Variants in DSCAM observed in about 807,000 individuals in gnomAD.
The protein encoded by DSCAM is DS cell adhesion molecule.
DSCAM carries 47 observed loss-of-function variants against 217.7 expected under a neutral mutation model. The observed-to-expected ratio is 0.22, with a 90% confidence interval of 0.17 to 0.28. The LOEUF (loss-of-function observed/expected upper bound fraction) is 0.28, where lower values mean the gene tolerates loss of function less well. Ranked by LOEUF, DSCAM falls within the 10% of genes least tolerant of loss-of-function variation. The probability of loss-of-function intolerance (pLI) is 1.00; values close to 1 mark genes in which losing one functional copy is unlikely to be tolerated. For missense variants in DSCAM, 2,080 were observed against 2,618.3 expected (o/e 0.79, Z 4.49); for synonymous variants, 1,056 against 1,015.3 (o/e 1.04, Z -0.76).
chr21:40,402,519 G>A (rs9982140), intron 3 of DSCAM, among the ~76,000 whole-genome samples: 1 of 152,010 alleles, frequency 6.6e-6, no homozygotes, highest in Non-Finnish European at 1.5e-5. Flanking sequence ...TCTAAATGGA[G>A]AAATAATGAT....
At chr21:40,541,639 A>C (rs1458699556) in intron 3 of DSCAM, among the ~76,000 whole-genome samples, 1 of 152,172 alleles carries the variant, frequency 6.6e-6, no homozygotes, top group Admixed American at 6.5e-5. Context: ...CACACACATA[A>C]ATGCATATAA....
intron 11 of DSCAM, among the ~76,000 whole-genome samples, chr21:40,248,166 T>C (rs900548612): frequency 6.6e-6 from 1 of 152,186 alleles, no homozygotes; most frequent in Non-Finnish European, 1.5e-5. Context: ...CCTCCAGGTC[T>C]GTGATAAGAA....
chr21:40,032,537 G>T (rs922922939), intron 32 of DSCAM, among the ~76,000 whole-genome samples: 4 of 152,038 alleles, frequency 2.6e-5, no homozygotes, highest in African/African-American at 7.2e-5. Context: ...TTTATTTAGG[G>T]TTTTTCCTGC....
intron 1 of DSCAM, among the ~76,000 whole-genome samples, chr21:40,734,396 G>A: frequency 6.6e-6 from 1 of 152,162 alleles, no homozygotes; most frequent in Non-Finnish European, 1.5e-5. Context: ...CAGCACATGG[G>A]TGCCATGCTT....
At chr21:40,778,870 C>G (rs1056390885) in intron 1 of DSCAM, among the ~76,000 whole-genome samples, 6 of 151,398 alleles carry the variant, frequency 4.0e-5, no homozygotes, top group African/African-American at 1.5e-4. Context: ...ACTAAAAATG[C>G]AAAATTATCC....
At chr21:40,824,345 A>T (rs778417420) in intron 1 of DSCAM, among the ~76,000 whole-genome samples, 2 of 151,634 alleles carry the variant, frequency 1.3e-5, no homozygotes, top group East Asian at 1.9e-4. Flanking sequence ...ATTCAATTCC[A>T]TCTAAATTTG....
rs77902030 is a variant in DSCAM, at chr21:40,784,948, A to G, written c.43+61671T>C. Among the ~76,000 whole-genome samples the G allele has an allele frequency of 5.8e-3, 881 of 152,340 alleles. 24 individuals carry two copies. The highest frequency in any genetic ancestry group is 0.04 in the East Asian group (206 of 5,180). On this transcript the variant is annotated intron_variant, in intron 1 of 32. Coordinates refer to ENST00000400454, the MANE Select transcript of DSCAM (RefSeq NM_001389.5). ...TATTCATTCTAAACAAAGCTGAATT[A>G]TGGCCTATTTTATTCATTTGATTTT...
intron 12 of DSCAM, among the ~76,000 whole-genome samples, chr21:40,188,786 T>TTTC (rs751765363): frequency 1.5e-3 from 46 of 31,538 alleles, no homozygotes; most frequent in African/African-American, 8.2e-3. Context: ...TATTTCTCAC[T>TTTC]TTTTTTTTTT....
rs552728267 is a variant in DSCAM, at chr21:40,468,860, A to G, written c.509-99615T>C. ...AAAGATTTAAAAAAAAATTACCTCC[A>G]TCCAGGAGGTCTGTTTGAACAGTAG... On this transcript the variant is annotated intron_variant, in intron 3 of 32. Transcript: ENST00000400454. Among the ~76,000 whole-genome samples, 2 of 152,340 alleles carry G rather than the reference A, an allele frequency of 1.3e-5. 1 individual carries two copies. The highest frequency in any genetic ancestry group is 4.8e-5 in the African/African-American group (2 of 41,578).
chr21:40,591,209 TC>T (rs1415862737), intron 3 of DSCAM, among the ~76,000 whole-genome samples: 2 of 152,224 alleles, frequency 1.3e-5, no homozygotes, highest in African/African-American at 4.8e-5. Context: ...ATTGTAAGTT[TC>T]CTGGGGCTTC....
chr21:40,625,429 G>A (rs1324709454), intron 3 of DSCAM, among the ~76,000 whole-genome samples: 1 of 152,130 alleles, frequency 6.6e-6, no homozygotes, highest in Non-Finnish European at 1.5e-5. Flanking sequence ...CTGTGTCTAG[G>A]AGTCTCCTTT....
intron 1 of DSCAM, among the ~76,000 whole-genome samples, chr21:40,759,818 C>T (rs1243787147): frequency 6.6e-6 from 1 of 152,178 alleles, no homozygotes; most frequent in Non-Finnish European, 1.5e-5. Flanking sequence ...TTTCCTTCCT[C>T]ACTGCCGCCT....
chr21:40,733,785 C>A (rs969990515), intron 1 of DSCAM, among the ~76,000 whole-genome samples: 1 of 152,130 alleles, frequency 6.6e-6, no homozygotes, highest in Non-Finnish European at 1.5e-5. Context: ...TGCAGCAAGA[C>A]CCTGCTTGTG....
chr21:40,759,758 CT>C (rs2091312354), intron 1 of DSCAM, among the ~76,000 whole-genome samples: 1 of 152,106 alleles, frequency 6.6e-6, no homozygotes, highest in Non-Finnish European at 1.5e-5. Flanking sequence ...GAGCCTGCCC[CT>C]GGCAGCAGTC....
At chr21:40,817,785 C>T (rs1030140159) in intron 1 of DSCAM, among the ~76,000 whole-genome samples, 4 of 152,126 alleles carry the variant, frequency 2.6e-5, no homozygotes, top group Non-Finnish European at 5.9e-5. Flanking sequence ...TATAACACTG[C>T]GTGGTTCATC....
At chr21:40,548,304 G>A (rs2146148997) in intron 3 of DSCAM, among the ~76,000 whole-genome samples, 1 of 152,232 alleles carries the variant, frequency 6.6e-6, no homozygotes, top group African/African-American at 2.4e-5. Context: ...CCCTCCCCAT[G>A]GGGCCAAATG....
At chr21:40,555,880 C>T (rs2076667598) in intron 3 of DSCAM, among the ~76,000 whole-genome samples, 1 of 151,936 alleles carries the variant, frequency 6.6e-6, no homozygotes, top group Admixed American at 6.6e-5. Context: ...TAAGTAATCC[C>T]CCTTCCTCGG....
intron 3 of DSCAM, among the ~76,000 whole-genome samples, chr21:40,636,751 G>A (rs13051356): frequency 0.092 from 13,387 of 145,118 alleles, 710 homozygotes; most frequent in Middle Eastern, 0.17. Context: ...TTGGCCGGGG[G>A]TCTCATGACT....
chr21:40,360,944 T>C (rs9979656), intron 4 of DSCAM, among the ~76,000 whole-genome samples: 111,131 of 152,058 alleles, frequency 0.73, 41,073 homozygotes, highest in African/African-American at 0.83. Context: ...AGTGTATAAG[T>C]GTTCCCTTTT....
Sources: gnomAD v4.1 joint callset for allele counts (sites outside exome capture counted in the v4.1 genomes callset) on GRCh38, gnomAD v4.1.1 for gene constraint, MANE v1.5 for transcripts, NCBI Gene and HGNC (gene_info 2026-07-23, HGNC 2026-07-21) for gene names.